LINGO1: variants seen among roughly 807,000 people sequenced by gnomAD.
LINGO1 encodes leucine-rich repeat and immunoglobulin-like domain-containing nogo receptor-interacting protein 1.
A neutral mutation model predicts 37.3 loss-of-function variants in LINGO1; 11 were observed. That is an observed-to-expected ratio of 0.29 (90% CI 0.19 to 0.49). The LOEUF is 0.49. Among genes scored for constraint, LINGO1 ranks in the 20% least tolerant of loss-of-function variants. The pLI, the probability that LINGO1 is intolerant of heterozygous loss-of-function variation, is 0.99. For missense variants in LINGO1, 585 were observed against 878.2 expected (o/e 0.67, Z 4.22); for synonymous variants, 387 against 403.0 (o/e 0.96, Z 0.48).
intron 3 of LINGO1, among the ~76,000 whole-genome samples, chr15:77,650,685 G>C (rs1053102362): frequency 1.3e-5 from 2 of 152,210 alleles, no homozygotes; most frequent in African/African-American, 4.8e-5. Flanking sequence ...TAGGACTGCG[G>C]GCTGCATCCA....
chr15:77,628,629 T>A (rs1208337604), intron 1 of LINGO1, among the ~76,000 whole-genome samples: 1 of 152,244 alleles, frequency 6.6e-6, no homozygotes, highest in African/African-American at 2.4e-5. Flanking sequence ...TGGGGAGATG[T>A]ACATCATTAC....
intron 3 of LINGO1, among the ~76,000 whole-genome samples, chr15:77,649,980 G>A (rs1485212678): frequency 6.6e-6 from 1 of 152,218 alleles, no homozygotes; most frequent in Non-Finnish European, 1.5e-5. Flanking sequence ...GGGTAACAAT[G>A]GCCAATGCCC....
intron 1 of LINGO1, among the ~76,000 whole-genome samples, chr15:77,748,764 G>C (rs2141362239): frequency 1.3e-5 from 2 of 152,002 alleles, no homozygotes; most frequent in East Asian, 3.9e-4. Flanking sequence ...GCCCAGGCTG[G>C]TCTTGAACTC....
chr15:77,818,953 C>A (rs145382349), intron 1 of LINGO1, among the ~76,000 whole-genome samples: 1 of 151,886 alleles, frequency 6.6e-6, no homozygotes, highest in Non-Finnish European at 1.5e-5. Flanking sequence ...ACCCTCAAAG[C>A]GCCTCCGTCC....
chr15:77,724,267 C>T (rs747754667), intron 2 of LINGO1, among the ~76,000 whole-genome samples: 20 of 152,224 alleles, frequency 1.3e-4, no homozygotes, highest in Non-Finnish European at 2.6e-4. Context: ...CTGTCTGCAC[C>T]GACTCAGCAT....
intron 2 of LINGO1, chr15:77,690,613 T>C (rs1370510106): frequency 6.6e-6 from 1 of 152,252 alleles, no homozygotes; most frequent in Admixed American, 6.5e-5. Flanking sequence ...ATCAAAGGGA[T>C]CCTGACCGAT....
chr15:77,730,620 G>A (rs1212502459), intron 2 of LINGO1, among the ~76,000 whole-genome samples: 1 of 152,254 alleles, frequency 6.6e-6, no homozygotes, highest in African/African-American at 2.4e-5. Flanking sequence ...CAGGCATCAG[G>A]CCTGGGCCAC....
intron 1 of LINGO1, among the ~76,000 whole-genome samples, chr15:77,626,846 T>A (rs8027456): frequency 6.6e-6 from 1 of 151,802 alleles, no homozygotes; most frequent in Non-Finnish European, 1.5e-5. Flanking sequence ...GGATCAAGGC[T>A]ACTGCAGGAG....
At chr15:77,724,435 C>T (rs141074194) in intron 2 of LINGO1, among the ~76,000 whole-genome samples, 109 of 152,338 alleles carry the variant, frequency 7.2e-4, no homozygotes, top group South Asian at 4.1e-4. Context: ...GGCCCTTTAC[C>T]GCTTCAGAAG....
At chr15:77,721,516 C>T (rs1297537665) in intron 2 of LINGO1, among the ~76,000 whole-genome samples, 2 of 152,228 alleles carry the variant, frequency 1.3e-5, no homozygotes, top group Admixed American at 6.5e-5. Context: ...ACCGCAGCTT[C>T]ACGACATTGT....
At chr15:77,702,595 T>A (rs58135467) in intron 2 of LINGO1, among the ~76,000 whole-genome samples, 7,356 of 152,136 alleles carry the variant, frequency 0.048, 627 homozygotes, top group African/African-American at 0.17. Context: ...GTATTCTAAT[T>A]CTCTAGGTAA....
At chr15:77,732,606 T>G (rs578134838) in intron 2 of LINGO1, among the ~76,000 whole-genome samples, 2 of 152,344 alleles carry the variant, frequency 1.3e-5, no homozygotes, top group South Asian at 4.1e-4. Flanking sequence ...TGGAGTAGGC[T>G]TCACATGTGC....
chr15:77,810,300 G>T (rs988285266), intron 1 of LINGO1, among the ~76,000 whole-genome samples: 1 of 149,194 alleles, frequency 6.7e-6, no homozygotes, highest in East Asian at 2.0e-4. Flanking sequence ...ACACACACGG[G>T]TAACTAGGCT....
At chr15:77,675,049 C>A (rs1221843569) in intron 3 of LINGO1, among the ~76,000 whole-genome samples, 1 of 152,110 alleles carries the variant, frequency 6.6e-6, no homozygotes, top group Non-Finnish European at 1.5e-5. Context: ...ATATGCTCAA[C>A]CTCATTAGCA....
chr15:77,739,221 T>C (rs1261353540), intron 1 of LINGO1, among the ~76,000 whole-genome samples: 1 of 152,224 alleles, frequency 6.6e-6, no homozygotes, highest in Non-Finnish European at 1.5e-5. Context: ...GCAGCGGAAA[T>C]TGGTCCAGGG....
chr15:77,741,507 C>T (rs973531557), intron 1 of LINGO1, among the ~76,000 whole-genome samples: 1 of 152,170 alleles, frequency 6.6e-6, no homozygotes, highest in Non-Finnish European at 1.5e-5. Flanking sequence ...CTGGTGTCCT[C>T]AGGAGCCTAG....
intron 1 of LINGO1, among the ~76,000 whole-genome samples, chr15:77,753,627 G>A (rs1024083606): frequency 6.6e-5 from 10 of 152,314 alleles, no homozygotes; most frequent in African/African-American, 2.4e-4. Flanking sequence ...GCATGGGGCC[G>A]CTTGCTCACT....
At chr15:77,736,798 GA>G (rs932845009) in intron 1 of LINGO1, among the ~76,000 whole-genome samples, 5 of 152,048 alleles carry the variant, frequency 3.3e-5, no homozygotes, top group African/African-American at 1.2e-4. Context: ...CAAAAAGAAA[GA>G]AAAGAAAAAA....
chr15:77,625,189 G>A, intron 1 of LINGO1, among the ~76,000 whole-genome samples: 1 of 152,216 alleles, frequency 6.6e-6, no homozygotes, highest in East Asian at 1.9e-4. Context: ...CACAGACTGA[G>A]GCTGGTAGTG....
Sources: gnomAD v4.1 joint callset for allele counts (sites outside exome capture counted in the v4.1 genomes callset) on GRCh38, gnomAD v4.1.1 for gene constraint, MANE v1.5 for transcripts, NCBI Gene and HGNC (gene_info 2026-07-23, HGNC 2026-07-21) for gene names.